Variants in NCS1 observed in about 807,000 individuals in gnomAD.
NCS1 encodes neuronal calcium sensor 1, also known as frequenin homolog.
A neutral mutation model predicts 28.4 loss-of-function variants in NCS1; 6 were observed. The ratio of observed to expected loss-of-function variants is 0.21; its 90% CI spans 0.12 to 0.42. NCS1 has a LOEUF of 0.42. Among genes scored for constraint, NCS1 ranks in the 10% least tolerant of loss-of-function variants. NCS1 has a pLI of 1.00. For synonymous variants in NCS1, 86 were observed against 99.3 expected, an observed-to-expected ratio of 0.87 and a Z score of 0.79; for missense variants, 131 against 241.4, an observed-to-expected ratio of 0.54 and a Z score of 3.03.
At chr9:130,174,734 C>T (rs1832537154) in intron 1 of NCS1, among the ~76,000 whole-genome samples, 1 of 139,278 alleles carries the variant, frequency 7.2e-6, no homozygotes, top group African/African-American at 2.7e-5. Flanking sequence ...TCGCTTGAAC[C>T]TGGGAGGCGG....
chr9:130,194,069 G>A (rs116502363), intron 1 of NCS1: 1,581 of 152,776 alleles, frequency 0.01, 22 homozygotes, highest in African/African-American at 0.033. Context: ...GAAGAGGCTG[G>A]ATTGGCTGGC....
At chr9:130,213,309 G>T (rs10760663) in intron 2 of NCS1, among the ~76,000 whole-genome samples, 1 of 151,744 alleles carries the variant, frequency 6.6e-6, no homozygotes. Flanking sequence ...ACGGAGTCTC[G>T]CTCTGTCCCC....
intron 4 of NCS1, among the ~76,000 whole-genome samples, chr9:130,221,874 TATACATA>T (rs1177833052): frequency 0.35 from 327 of 926 alleles, 87 homozygotes; most frequent in African/African-American, 0.44. Context: ...TATAAATATA[TATACATA>T]ATACATAAAT....
intron 1 of NCS1, among the ~76,000 whole-genome samples, chr9:130,190,966 TC>T (rs1256674807): frequency 2.0e-5 from 3 of 152,132 alleles, no homozygotes; most frequent in Non-Finnish European, 4.4e-5. Context: ...TGGCTCCACT[TC>T]CTGCGGGAGC....
rs1554904759 is a variant in NCS1, at chr9:130,177,773, A to G, written c.64+5046A>G. On this transcript the variant is annotated intron_variant, in intron 1 of 7. Coordinates refer to ENST00000372398, the MANE Select transcript of NCS1 (RefSeq NM_014286.4). This position sits in a 1 kb window ranked among gnomAD's most constrained non-coding sequence, Gnocchi z 4.4. ...GCCTTCCAACTCCATGGATCTAAACAGGAGAAGCTTTGCAGTCCGGGGAGC... is the reference window on the plus strand; with the variant it reads ...GCCTTCCAACTCCATGGATCTAAACGGGAGAAGCTTTGCAGTCCGGGGAGC... Among the ~76,000 whole-genome samples the G allele has an allele frequency of 6.6e-6, 1 of 152,216 alleles. No homozygotes were observed. Among genetic ancestry groups the G allele is most frequent in the African/African-American group, 2.4e-5 (1 of 41,466 alleles).
rs1461437456 is a variant in NCS1, at chr9:130,191,636, G to GC, written c.65-9317dup. On this transcript the variant is annotated intron_variant, in intron 1 of 7. Coordinates refer to ENST00000372398, the MANE Select transcript of NCS1 (RefSeq NM_014286.4). The surrounding 1 kb of genome is among the most constrained non-coding windows in gnomAD (Gnocchi z 6.4). Reference sequence around the variant, plus strand: ...GAGACAGATACAGCAACAGCCCATGGCCCCCTGGGCTGTGTGAGACGCTAA... The same window carrying GC: ...GAGACAGATACAGCAACAGCCCATGGCCCCCCTGGGCTGTGTGAGACGCTAA... 6.6e-6 allele frequency among the ~76,000 whole-genome samples: 1 copy of GC among 152,176 alleles called. No homozygotes were observed. Among genetic ancestry groups the GC allele is most frequent in the Non-Finnish European group, 1.5e-5 (1 of 68,024 alleles).
chr9:130,222,858 G>A, intron 5 of NCS1, 120 bp downstream of exon 5: 1 of 1,100,378 alleles, frequency 9.1e-7, no homozygotes, highest in South Asian at 1.3e-5. Context: ...AGGGGTCACT[G>A]GCTGAGCCGT....
chr9:130,216,045 G>T (rs559211515), intron 2 of NCS1, among the ~76,000 whole-genome samples: 295 of 152,260 alleles, frequency 1.9e-3, no homozygotes, highest in African/African-American at 6.4e-3. Flanking sequence ...GAATTTTCAG[G>T]GTGCCACCCC....
rs914008298 is a variant in NCS1 at position 130,236,611 on chromosome 9, G to A, written c.*3639G>A. On this transcript the variant is annotated 3_prime_UTR_variant, in exon 8 of 8. Transcript: ENST00000372398. ...ATGGTTAATTTTTGAATGAATAAAAGGCTTTTGTTGAATAAACAGCTGGTC... is the reference window on the plus strand; with the variant it reads ...ATGGTTAATTTTTGAATGAATAAAAAGCTTTTGTTGAATAAACAGCTGGTC... 3.3e-5 allele frequency: 5 copies of A among 150,244 alleles called. No individual in the cohort carries two copies. The highest frequency in any genetic ancestry group is 5.9e-5 in the Non-Finnish European group (4 of 67,746). 9.3% of individuals were successfully genotyped at this position (150,244 alleles called of 1,614,324 possible).
rs1384767322 is a variant in NCS1 at position 130,209,131 on chromosome 9, C to T, written c.89+8149C>T. Among the ~76,000 whole-genome samples, 14 of 152,152 alleles carry T rather than the reference C, an allele frequency of 9.2e-5. 1 individual carries two copies. The highest frequency in any genetic ancestry group is 7.2e-4 in the Admixed American group (11 of 15,276). On this transcript the variant is annotated intron_variant, in intron 2 of 7. Transcript: ENST00000372398. This position sits in a 1 kb window ranked among gnomAD's most constrained non-coding sequence, Gnocchi z 4.4. ...AAGAGATAATGGGAGAATAATTTGC[C>T]GAGGCTGCCGCTGCGCCCATCCCCG...
intron 7 of NCS1, among the ~76,000 whole-genome samples, chr9:130,230,213 T>C (rs1833480340): frequency 6.6e-6 from 1 of 152,046 alleles, no homozygotes; most frequent in Non-Finnish European, 1.5e-5. Context: ...CAGCCAGGTG[T>C]GGTGGCGGGC....
At chr9:130,210,116 C>T (rs1671405190) in intron 2 of NCS1, among the ~76,000 whole-genome samples, 1 of 152,066 alleles carries the variant, frequency 6.6e-6, no homozygotes, top group Admixed American at 6.5e-5. Context: ...GGAAGGACTT[C>T]CCGGCCAGGC....
rs373252800 is a variant in NCS1, at chr9:130,192,745, G to C, written c.65-8213G>C. Among the ~76,000 whole-genome samples, 4 of 152,146 alleles carry C rather than the reference G, an allele frequency of 2.6e-5. No individual in the cohort carries two copies. The highest frequency in any genetic ancestry group is 1.9e-4 in the East Asian group (1 of 5,188). ...CCCAGGAGCCGGTGCTGCAGTGAGTGGGGGGAGTGATCTGAGGCCTTGTGT... is the reference window on the plus strand; with the variant it reads ...CCCAGGAGCCGGTGCTGCAGTGAGTCGGGGGAGTGATCTGAGGCCTTGTGT... On this transcript the variant is annotated intron_variant, in intron 1 of 7. Coordinates refer to ENST00000372398, the MANE Select transcript of NCS1 (RefSeq NM_014286.4). The surrounding 1 kb of genome is among the most constrained non-coding windows in gnomAD (Gnocchi z 4.8).
chr9:130,199,099 T>TC (rs1554907155), intron 1 of NCS1, among the ~76,000 whole-genome samples: 1 of 3,948 alleles, frequency 2.5e-4, no homozygotes, highest in Non-Finnish European at 5.7e-3. Flanking sequence ...TCTCTTTCTC[T>TC]TTTTTTTTTT....
chr9:130,212,785 T>A (rs3897499), intron 2 of NCS1, among the ~76,000 whole-genome samples: 104,105 of 151,748 alleles, frequency 0.69, 36,069 homozygotes, highest in East Asian at 0.89. Context: ...CTTCATCATA[T>A]GCCAGCAGCT....
Position 130,172,703 on chromosome 9 carries a change from G to C in NCS1, c.40G>C (p.Glu14Gln). The C allele has an allele frequency of 6.6e-7, 1 of 1,520,758 alleles. No individual in the cohort carries two copies. The highest frequency in any genetic ancestry group is 8.8e-7 in the Non-Finnish European group (1 of 1,129,988). 94.2% of individuals were successfully genotyped at this position (1,520,758 alleles called of 1,614,324 possible). A position where few individuals can be genotyped will look rare whatever the true frequency, so the allele number is the denominator to read the frequency against. ...SNSKLKPEVVEELTRKTYFTE... is the reference protein window; with the variant it reads ...SNSKLKPEVVQELTRKTYFTE... ...CAGCAAGTTGAAGCCCGAAGTTGTGGAGGAGCTGACCAGGAAGACCTACTG... is the reference window on the plus strand; with the variant it reads ...CAGCAAGTTGAAGCCCGAAGTTGTGCAGGAGCTGACCAGGAAGACCTACTG... Residue 14 changes from glutamate to glutamine, a missense_variant, in exon 1 of 8, where the codon GAG becomes CAG. Around this residue, in one of 2 missense-constraint regions of NCS1, gnomAD observed 31 missense variants for 31.1 expected, o/e 1.00. Coordinates refer to ENST00000372398, the MANE Select transcript of NCS1 (RefSeq NM_014286.4).
Position 130,175,460 on chromosome 9 carries a change from G to T in NCS1, c.64+2733G>T, listed in dbSNP as rs1350546501. ...TTCCGATTCTTTAGGTCTGGCTGGGGCCCAGGAATTTGCATCCTTGACACG... is the reference window on the plus strand; with the variant it reads ...TTCCGATTCTTTAGGTCTGGCTGGGTCCCAGGAATTTGCATCCTTGACACG... On this transcript the variant is annotated intron_variant, in intron 1 of 7. Coordinates refer to ENST00000372398, the MANE Select transcript of NCS1 (RefSeq NM_014286.4). This position sits in a 1 kb window ranked among gnomAD's most constrained non-coding sequence, Gnocchi z 4.9. Among the ~76,000 whole-genome samples the T allele has an allele frequency of 3.3e-5, 5 of 152,196 alleles. No homozygotes were observed. Among genetic ancestry groups the T allele is most frequent in the Non-Finnish European group, 5.9e-5 (4 of 68,040 alleles).
Position 130,180,096 on chromosome 9 carries a change from G to A in NCS1, c.64+7369G>A, listed in dbSNP as rs1375513361. ...GTCACCCAGGCTAGAGTGCAGTGGCGCGATCTCGGCTCACTATAATCGCCA... is the reference window on the plus strand; with the variant it reads ...GTCACCCAGGCTAGAGTGCAGTGGCACGATCTCGGCTCACTATAATCGCCA... On this transcript the variant is annotated intron_variant, in intron 1 of 7. Transcript: ENST00000372398. This position sits in a 1 kb window ranked among gnomAD's most constrained non-coding sequence, Gnocchi z 4.5. Among the ~76,000 whole-genome samples the A allele has an allele frequency of 1.3e-5, 2 of 152,034 alleles. No homozygotes were observed. Among genetic ancestry groups the A allele is most frequent in the Admixed American group, 1.3e-4 (2 of 15,266 alleles).
At chr9:130,216,122 T>C (rs1833181245) in intron 2 of NCS1, among the ~76,000 whole-genome samples, 1 of 152,114 alleles carries the variant, frequency 6.6e-6, no homozygotes, top group African/African-American at 2.4e-5. Context: ...TCCTCTTCAT[T>C]GGGGAGGGGG....
Sources: gnomAD v4.1 joint callset for allele counts (sites outside exome capture counted in the v4.1 genomes callset) on GRCh38, gnomAD v4.1.1 for gene constraint, gnomAD v4.1.1 regional missense constraint, Gnocchi (gnomAD v3.1) non-coding constraint, MANE v1.5 for transcripts, NCBI Gene and HGNC (gene_info 2026-07-23, HGNC 2026-07-21) for gene names.